The following PCSK6 variants were observed in gnomAD, a reference collection of about 807,000 sequenced individuals.
PCSK6 encodes the protein proprotein convertase subtilisin/kexin type 6, also known as paired basic amino acid cleaving enzyme 4.
In PCSK6, 85 loss-of-function variants were observed where a neutral mutation model predicts 123.3. The ratio of observed to expected loss-of-function variants is 0.69; its 90% CI spans 0.58 to 0.83. The LOEUF is 0.83. Among genes scored for constraint, PCSK6 ranks in the 40% least tolerant of loss-of-function variants. The probability of loss-of-function intolerance (pLI) is 0.00; values close to 1 mark genes in which losing one functional copy is unlikely to be tolerated. For synonymous variants in PCSK6, 508 were observed against 516.0 expected, an observed-to-expected ratio of 0.98 and a Z score of 0.21; for missense variants, 1,191 against 1,282.3, an observed-to-expected ratio of 0.93 and a Z score of 1.09.
At chr15:101,395,399 G>A (rs2042379257) in intron 7 of PCSK6, among the ~76,000 whole-genome samples, 1 of 152,200 alleles carries the variant, frequency 6.6e-6, no homozygotes, top group African/African-American at 2.4e-5. Flanking sequence ...TGAATACCAA[G>A]AGCCTGAAAT....
At chr15:101,394,453 A>C (rs1357041567) in intron 7 of PCSK6, among the ~76,000 whole-genome samples, 1 of 152,106 alleles carries the variant, frequency 6.6e-6, no homozygotes, top group Admixed American at 6.5e-5. Context: ...CGAGTGGAAG[A>C]CTGAACTGAC....
At chr15:101,406,088 A>G (rs1268671974) in intron 6 of PCSK6, among the ~76,000 whole-genome samples, 1 of 152,186 alleles carries the variant, frequency 6.6e-6, no homozygotes, top group South Asian at 2.1e-4. Context: ...GCAGGTTTGT[A>G]TAAGGCAAGG....
At chr15:101,484,087 T>C (rs2057960010) in intron 1 of PCSK6, among the ~76,000 whole-genome samples, 1 of 152,232 alleles carries the variant, frequency 6.6e-6, no homozygotes, top group Admixed American at 6.5e-5. Flanking sequence ...TACACACTTG[T>C]ACACATCACC....
At chr15:101,307,575 G>T in intron 20 of PCSK6, 1 of 447,222 alleles carries the variant, frequency 2.2e-6, no homozygotes, top group Non-Finnish European at 4.1e-6. Flanking sequence ...AGCAAGCCCA[G>T]GATCAGGGGC....
intron 6 of PCSK6, among the ~76,000 whole-genome samples, chr15:101,423,358 T>C (rs1170893588): frequency 4.6e-5 from 7 of 151,708 alleles, no homozygotes; most frequent in African/African-American, 1.7e-4. Flanking sequence ...CTCCCAGGTC[T>C]AAGCCAATTC....
At chr15:101,482,388 G>A (rs7177400) in intron 1 of PCSK6, among the ~76,000 whole-genome samples, 6,553 of 152,322 alleles carry the variant, frequency 0.043, 440 homozygotes, top group African/African-American at 0.14. Context: ...CAGGAGCCAG[G>A]AGGAGGCCAG....
chr15:101,325,778 C>A (rs1451318916), intron 16 of PCSK6, among the ~76,000 whole-genome samples: 1 of 152,214 alleles, frequency 6.6e-6, no homozygotes, highest in Non-Finnish European at 1.5e-5. Context: ...CTGCAGAGGC[C>A]ACACAGGAGG....
intron 1 of PCSK6, among the ~76,000 whole-genome samples, chr15:101,445,304 C>T (rs1359169102): frequency 6.6e-6 from 1 of 152,246 alleles, no homozygotes; most frequent in East Asian, 1.9e-4. Flanking sequence ...TCTGGGTGAC[C>T]TGGGCTTACC....
At chr15:101,389,665 G>T in intron 8 of PCSK6, 101 bp from the exon 9 acceptor site, 2 of 881,072 alleles carry the variant, frequency 2.3e-6, no homozygotes, top group South Asian at 1.6e-5. Context: ...TGGCAAGCGT[G>T]ACCCTGGGTC....
chr15:101,331,617 T>C, intron 15 of PCSK6, 34 bp downstream of exon 15: 3 of 1,605,906 alleles, frequency 1.9e-6, no homozygotes, highest in Non-Finnish European at 1.7e-6. Context: ...GCTGGGAAGG[T>C]TGGAAAATAC....
chr15:101,358,372 C>A (rs541909561), intron 13 of PCSK6, among the ~76,000 whole-genome samples: 1 of 152,228 alleles, frequency 6.6e-6, no homozygotes, highest in Non-Finnish European at 1.5e-5. Flanking sequence ...TCCTCACAAG[C>A]CCTTCCTTGT....
intron 1 of PCSK6, among the ~76,000 whole-genome samples, chr15:101,472,836 T>C (rs937788660): frequency 2.0e-5 from 3 of 152,128 alleles, no homozygotes; most frequent in African/African-American, 4.8e-5. Flanking sequence ...CAGAAGAAAA[T>C]AGAAAATACA....
At chr15:101,323,444 G>C (rs2141356283) in intron 17 of PCSK6, among the ~76,000 whole-genome samples, 1 of 152,344 alleles carries the variant, frequency 6.6e-6, no homozygotes, top group East Asian at 1.9e-4. Context: ...GCTAAAGGGA[G>C]TCTGGGACGG....
intron 1 of PCSK6, among the ~76,000 whole-genome samples, chr15:101,445,893 C>A (rs1408533723): frequency 6.6e-6 from 1 of 152,226 alleles, no homozygotes; most frequent in Admixed American, 6.5e-5. Context: ...TGGCCTTTGA[C>A]CAGCTAAGCC....
intron 1 of PCSK6, among the ~76,000 whole-genome samples, chr15:101,481,917 T>A (rs1245474497): frequency 3.3e-5 from 5 of 152,166 alleles, no homozygotes; most frequent in African/African-American, 1.2e-4. Flanking sequence ...GTGGTTCCAA[T>A]GCTGATGAGC....
At chr15:101,445,400 C>G (rs2056862428) in intron 1 of PCSK6, among the ~76,000 whole-genome samples, 1 of 152,226 alleles carries the variant, frequency 6.6e-6, no homozygotes, top group Non-Finnish European at 1.5e-5. Flanking sequence ...TGTGAAAGAG[C>G]TAGCAGAGAC....
rs144191077 is a variant in PCSK6, at chr15:101,355,755, G to A, written c.1858+10441C>T. Among the ~76,000 whole-genome samples the A allele has an allele frequency of 3.9e-5, 6 of 152,372 alleles. No individual in the cohort carries two copies. In the East Asian group the frequency reaches 9.6e-4, roughly 24 times the overall value. ...TGGGGGCCCCAGGTCATGAGGAGGT[G>A]CAGGGACCTTCCTGCACCTGAGGGT... On this transcript the variant is annotated intron_variant, in intron 13 of 21. Transcript: ENST00000611716.
chr15:101,417,623 G>A (rs2055932400), intron 6 of PCSK6, among the ~76,000 whole-genome samples: 1 of 152,122 alleles, frequency 6.6e-6, no homozygotes, highest in African/African-American at 2.4e-5. Context: ...AAACTAGTAA[G>A]AGGTGATGAA....
At chr15:101,382,357 C>T in intron 10 of PCSK6, 148 bp from the exon 11 acceptor site, 1 of 615,518 alleles carries the variant, frequency 1.6e-6, no homozygotes, top group South Asian at 2.0e-5. Flanking sequence ...AGGACGGGTC[C>T]CCCTGAGGGC....
Sources: allele counts gnomAD v4.1 joint callset (sites outside exome capture counted in the v4.1 genomes callset), GRCh38; gene constraint gnomAD v4.1.1; transcripts MANE v1.5; gene names NCBI Gene and HGNC (gene_info 2026-07-23, HGNC 2026-07-21).